ZKSCAN4: variants seen among roughly 807,000 people sequenced by gnomAD.
ZKSCAN4 encodes the protein zinc finger protein with KRAB and SCAN domains 4.
ZKSCAN4 carries 23 observed loss-of-function variants against 30.8 expected under a neutral mutation model. The observed-to-expected ratio is 0.75, with a 90% CI of 0.54 to 1.06. ZKSCAN4 has a LOEUF of 1.06. ZKSCAN4 is among the 50% of genes least tolerant of loss of function. ZKSCAN4 has a pLI of 0.00. For missense variants in ZKSCAN4, 556 were observed against 665.4 expected (o/e 0.84, Z 1.81); for synonymous variants, 208 against 252.5 (o/e 0.82, Z 1.67).
chr6:28,255,965 A>G (rs943578293), upstream of ZKSCAN4, among the ~76,000 whole-genome samples: 1 of 152,200 alleles, frequency 6.6e-6, no homozygotes, highest in African/African-American at 2.4e-5. Flanking sequence ...ATGAAGGAAA[A>G]TGTCCTTTTT....
Position 28,251,506 on chromosome 6 carries a change from T to G in ZKSCAN4, c.423+52A>C. Reference sequence around the variant, plus strand: ...GAATGCCCCTCGCTCCGATCTGGGATTTCAGGAGGAAACAGACCACAGCGC... The same window carrying G: ...GAATGCCCCTCGCTCCGATCTGGGAGTTCAGGAGGAAACAGACCACAGCGC... On this transcript the variant is annotated intron_variant, in intron 1 of 4. Transcript: ENST00000377294. The surrounding 1 kb of genome is among the most constrained non-coding windows in gnomAD (Gnocchi z 4.5). The G allele has an allele frequency of 6.2e-7, 1 of 1,614,102 alleles. No individual in the cohort carries two copies. Among genetic ancestry groups the G allele is most frequent in the Non-Finnish European group, 8.5e-7 (1 of 1,180,000 alleles).
At chr6:28,252,291 G>A (rs1054991624), upstream of ZKSCAN4, 10 of 229,662 alleles carry the variant, frequency 4.4e-5, no homozygotes, top group Non-Finnish European at 7.5e-5. Flanking sequence ...AGTCTCGATG[G>A]GAACTAAGGC....
At chr6:28,257,236 CT>C (rs1262910443), upstream of ZKSCAN4, among the ~76,000 whole-genome samples, 1 of 152,128 alleles carries the variant, frequency 6.6e-6, no homozygotes, top group African/African-American at 2.4e-5. Context: ...AGATCATGTT[CT>C]TTGCAGGCAC....
rs1235931493 is a variant in ZKSCAN4, at chr6:28,251,914, G to C, written c.67C>G (p.Leu23Val). 5.2e-6 allele frequency: 8 copies of C among 1,531,178 alleles called. No homozygotes were observed. The highest frequency in any genetic ancestry group is 7.0e-6 in the Non-Finnish European group (8 of 1,145,032). 94.8% of individuals were successfully genotyped at this position (1,531,178 alleles called of 1,614,324 possible). A position where few individuals can be genotyped will look rare whatever the true frequency, so the allele number is the denominator to read the frequency against. Residue 23 changes from leucine (L) to valine (V), a missense_variant, in exon 1 of 5, where the codon CTG becomes GTG. Physicochemically the swap from Leu to Val is conservative, Grantham distance 32. Transcript: ENST00000377294. The surrounding 1 kb of genome is among the most constrained non-coding windows in gnomAD (Gnocchi z 4.5). ...TCCTCCTTCTCCACCTTCACGGTCA[G>C]GAGCCCCGTCTGGTCTTCTGCAGAC... ...AQSAEDQTGLLTVKVEKEEAS... is the reference protein window; with the variant it reads ...AQSAEDQTGLVTVKVEKEEAS...
At chr6:28,250,970 G>T (rs1335703366) in intron 1 of ZKSCAN4, among the ~76,000 whole-genome samples, 1 of 152,176 alleles carries the variant, frequency 6.6e-6, no homozygotes, top group Non-Finnish European at 1.5e-5. Flanking sequence ...GAACATGGAG[G>T]TAAAAATAGG....
At chr6:28,258,882 G>T in the ZKSCAN4 span, among the ~76,000 whole-genome samples, 1 of 152,156 alleles carries the variant, frequency 6.6e-6, no homozygotes, top group South Asian at 2.1e-4. Flanking sequence ...GGGGGGTTGG[G>T]AAGTGATTAA....
chr6:28,247,141 C>A (rs767289462), intron 3 of ZKSCAN4, 49 bp from the exon 4 acceptor site: 2 of 1,525,036 alleles, frequency 1.3e-6, no homozygotes, highest in South Asian at 2.6e-5. Flanking sequence ...AAAATTACCC[C>A]CAAAGCAAAG....
At chr6:28,258,375 A>G in the ZKSCAN4 span, among the ~76,000 whole-genome samples, 1 of 151,724 alleles carries the variant, frequency 6.6e-6, no homozygotes, top group Non-Finnish European at 1.5e-5. Flanking sequence ...TCCAAACTAC[A>G]AAGTTTCTGA....
upstream of ZKSCAN4, among the ~76,000 whole-genome samples, chr6:28,256,625 C>T (rs1397114214): frequency 6.6e-6 from 1 of 152,122 alleles, no homozygotes; most frequent in Non-Finnish European, 1.5e-5. Flanking sequence ...TAAAGTTCTT[C>T]AAATATATTT....
the ZKSCAN4 span, among the ~76,000 whole-genome samples, chr6:28,257,397 G>A: frequency 2.6e-5 from 4 of 152,162 alleles, no homozygotes; most frequent in Non-Finnish European, 4.4e-5. Flanking sequence ...GGGGGGTGGA[G>A]GATGGGAGGG....
At chr6:28,246,904 C>T in intron 4 of ZKSCAN4, 65 bp downstream of exon 4, 2 of 1,523,072 alleles carry the variant, frequency 1.3e-6, no homozygotes, top group Admixed American at 4.0e-5. Context: ...TTCTAACAGC[C>T]CAATAGGTTC....
At position 28,251,752 on chromosome 6, in the gene ZKSCAN4, G is replaced by A. The variant is rs2113690766; in HGVS notation, c.229C>T (p.Leu77Phe). 1.9e-6 allele frequency: 3 copies of A among 1,614,262 alleles called. No individual in the cohort carries two copies. Among genetic ancestry groups the A allele is most frequent in the Non-Finnish European group, 2.5e-6 (3 of 1,180,044 alleles). ...PREALSRLRE[L>F]CGQWLQPEMH... ...TCAGGCTGCAGCCATTGTCCGCAGA[G>A]TTCTCGGAGCCGGCTCAACGCCTCG... is the stretch of plus-strand genomic sequence containing the variant. The change falls in exon 1 of 5, where the codon CTC (leucine) becomes TTC (phenylalanine). Residue 77 changes from leucine to phenylalanine, a missense_variant. Leu to Phe is a conservative substitution (Grantham distance 22). This residue lies in a region of ZKSCAN4 where 115 missense variants were observed against 125.9 expected (regional missense o/e 0.91). Transcript: ENST00000377294. This position sits in a 1 kb window ranked among gnomAD's most constrained non-coding sequence, Gnocchi z 4.5.
intron 1 of ZKSCAN4, among the ~76,000 whole-genome samples, chr6:28,250,490 T>G (rs1760947013): frequency 6.6e-6 from 1 of 152,238 alleles, no homozygotes; most frequent in African/African-American, 2.4e-5. Context: ...CTAGGCTCCC[T>G]CATTATATAC....
chr6:28,250,963 C>A (rs981907329), intron 1 of ZKSCAN4, among the ~76,000 whole-genome samples: 15 of 152,302 alleles, frequency 9.8e-5, no homozygotes, highest in Middle Eastern at 3.4e-3. Flanking sequence ...CAGGGAAGAA[C>A]ATGGAGGTAA....
chr6:28,252,434 C>T (rs1303052886), upstream of ZKSCAN4, among the ~76,000 whole-genome samples: 1 of 152,092 alleles, frequency 6.6e-6, no homozygotes, highest in East Asian at 1.9e-4. Context: ...GACCTTGGAT[C>T]ATAAGAAATA....
upstream of ZKSCAN4, among the ~76,000 whole-genome samples, chr6:28,256,899 T>C (rs867268356): frequency 3.9e-5 from 6 of 152,168 alleles, no homozygotes; most frequent in Non-Finnish European, 5.9e-5. Flanking sequence ...AAAAGAATAA[T>C]AAAATTTAGT....
chr6:28,243,318 T>C lies in ZKSCAN4; in HGVS notation c.*1798A>G, dbSNP rs1760566178. The stretch of plus-strand genomic sequence containing the variant: ...GTAAGTCTCTGGTCAGCCTGTGGTA[T>C]TTCAGAGGAGAAATCCAGAAAGGGT... On this transcript the variant is annotated 3_prime_UTR_variant, in exon 5 of 5. Transcript: ENST00000377294. Among the ~76,000 whole-genome samples the C allele has an allele frequency of 6.6e-6, 1 of 152,200 alleles. No individual in the cohort carries two copies. The highest frequency in any genetic ancestry group is 2.1e-4 in the South Asian group (1 of 4,830).
Position 28,251,356 on chromosome 6 carries a change from T to A in ZKSCAN4, c.423+202A>T. 1.2e-6 allele frequency: 1 copy of A among 800,316 alleles called. No homozygotes were observed. Among genetic ancestry groups the A allele is most frequent in the South Asian group, 1.7e-5 (1 of 59,814 alleles). The allele number at this position is 800,316 out of a possible 1,614,324, so 49.6% of individuals were successfully genotyped here. On this transcript the variant is annotated intron_variant, in intron 1 of 4. Transcript: ENST00000377294. The surrounding 1 kb of genome is among the most constrained non-coding windows in gnomAD (Gnocchi z 4.5). Reference sequence around the variant, plus strand: ...GTATGTCAATATAGTTGTGTTCTTTTGTAATCCTTTATAGTTTCTTTATAT... The same window carrying A: ...GTATGTCAATATAGTTGTGTTCTTTAGTAATCCTTTATAGTTTCTTTATAT...
At chr6:28,253,132 C>T (rs1310659693), upstream of ZKSCAN4, among the ~76,000 whole-genome samples, 1 of 152,208 alleles carries the variant, frequency 6.6e-6, no homozygotes, top group Non-Finnish European at 1.5e-5. The surrounding 1 kb of genome is among the most constrained non-coding windows in gnomAD (Gnocchi z 4.2). Context: ...AGAACAGTGC[C>T]TGGCATGTGA....
Sources: allele counts gnomAD v4.1 joint callset (sites outside exome capture counted in the v4.1 genomes callset), GRCh38; gene constraint gnomAD v4.1.1; regional missense constraint gnomAD v4.1.1; non-coding constraint Gnocchi (gnomAD v3.1); transcripts MANE v1.5; gene names NCBI Gene and HGNC (gene_info 2026-07-23, HGNC 2026-07-21).